Variants in STMP1 observed in about 807,000 individuals in gnomAD.
STMP1 encodes the protein short transmembrane mitochondrial protein 1, also known as mitolamban.
A neutral mutation model predicts 7.0 loss-of-function variants in STMP1; 7 were observed. The observed-to-expected ratio is 1.01, with a 90% confidence interval of 0.57 to 1.89. The LOEUF (loss-of-function observed/expected upper bound fraction) is 1.89. Among genes scored for constraint, STMP1 ranks in the 40% most tolerant of loss-of-function variants. The pLI is 0.00. For missense variants in STMP1, 45 were observed against 53.0 expected, an observed-to-expected ratio of 0.85 and a Z score of 0.47; for synonymous variants, 19 against 18.4, an observed-to-expected ratio of 1.03 and a Z score of -0.08.
At chr7:135,670,627 A>G (rs1014557569) in intron 1 of STMP1, among the ~76,000 whole-genome samples, 3 of 152,182 alleles carry the variant, frequency 2.0e-5, no homozygotes, top group Non-Finnish European at 2.9e-5. Flanking sequence ...CTCCTTTGGT[A>G]GATCCGGTAG....
At chr7:135,672,707 A>C in intron 1 of STMP1, 46 bp from the exon 2 acceptor site, 1 of 1,415,522 alleles carries the variant, frequency 7.1e-7, no homozygotes, top group Non-Finnish European at 9.8e-7. Context: ...TCAGACTGGC[A>C]CAGGACTCGG....
Position 135,662,574 on chromosome 7 carries a change from G to A in STMP1, c.-6G>A. On this transcript the variant is annotated 5_prime_UTR_variant, in exon 1 of 3. Coordinates refer to ENST00000507606, the MANE Select transcript of STMP1 (RefSeq NM_001130929.2). The stretch of plus-strand genomic sequence containing the variant: ...TCGCGCCCTCCTCGCCCTCCCCACC[G>A]ACATCATGCTCCAGTTCCTGGTGAG... The A allele has an allele frequency of 1.3e-6, 2 of 1,547,648 alleles. No homozygotes were observed. The highest frequency in any genetic ancestry group is 1.7e-6 in the Non-Finnish European group (2 of 1,145,426).
chr7:135,674,783 T>C lies in STMP1; in HGVS notation c.*618T>C, dbSNP rs886763616. 6 of 152,250 alleles carry C rather than the reference T, an allele frequency of 3.9e-5. No homozygotes were observed. The highest frequency in any genetic ancestry group is 8.8e-5 in the Non-Finnish European group (6 of 68,076). The allele number at this position is 152,250 out of a possible 1,614,324, so 9.4% of individuals were successfully genotyped here. A position where few individuals can be genotyped will look rare whatever the true frequency, so the allele number is the denominator to read the frequency against. On this transcript the variant is annotated 3_prime_UTR_variant, in exon 3 of 3. Transcript: ENST00000507606. ...GGGAATGAAAAAATACACAAAATAA[T>C]GGTCTTTGTCCCAGTAGAGTTCATA...
chr7:135,672,161 G>T (rs1351308065), intron 1 of STMP1, among the ~76,000 whole-genome samples: 1 of 152,120 alleles, frequency 6.6e-6, no homozygotes, highest in Non-Finnish European at 1.5e-5. Context: ...TGTATTTTTA[G>T]TAGAGACGAG....
chr7:135,666,297 A>C (rs1335132422), intron 1 of STMP1, among the ~76,000 whole-genome samples: 1 of 151,368 alleles, frequency 6.6e-6, no homozygotes, highest in Non-Finnish European at 1.5e-5. Flanking sequence ...ATCTTTTTCC[A>C]TGAGGCCCTC....
At chr7:135,673,545 G>A (rs879652105) in intron 2 of STMP1, among the ~76,000 whole-genome samples, 3 of 152,172 alleles carry the variant, frequency 2.0e-5, no homozygotes, top group Non-Finnish European at 4.4e-5. Context: ...GCACCAGATC[G>A]AGCGGAAGTG....
chr7:135,668,860 A>G (rs1795325669), intron 1 of STMP1, among the ~76,000 whole-genome samples: 1 of 152,110 alleles, frequency 6.6e-6, no homozygotes, highest in Non-Finnish European at 1.5e-5. Context: ...GATTTTCCAC[A>G]TTCAGTTTTC....
At chr7:135,671,282 A>ACT (rs1339775091) in intron 1 of STMP1, among the ~76,000 whole-genome samples, 1 of 152,204 alleles carries the variant, frequency 6.6e-6, no homozygotes, top group Non-Finnish European at 1.5e-5. Flanking sequence ...AAGCTTAGTA[A>ACT]GTTTAAAGTG....
At chr7:135,662,700 C>A in intron 1 of STMP1, 106 bp downstream of exon 1, 2 of 1,335,842 alleles carry the variant, frequency 1.5e-6, no homozygotes, top group South Asian at 1.4e-5. Flanking sequence ...GGGCGTGGGT[C>A]CAGCGGTCCC....
In STMP1 at chr7:135,676,066, A is replaced by C. The variant is rs1795410911; in HGVS notation, c.*1901A>C. ...AGCTTCTCAAGTAGCTGGCATCACC[A>C]CCACACCTGGCTAATTTTTGTATTT... On this transcript the variant is annotated 3_prime_UTR_variant, in exon 3 of 3. Coordinates refer to ENST00000507606, the MANE Select transcript of STMP1 (RefSeq NM_001130929.2). The C allele has an allele frequency of 6.6e-6, 1 of 151,642 alleles. No individual in the cohort carries two copies. The allele number at this position is 151,642 out of a possible 1,614,324, so 9.4% of individuals were successfully genotyped here.
chr7:135,665,030 G>A (rs753864363), intron 1 of STMP1, among the ~76,000 whole-genome samples: 8 of 152,146 alleles, frequency 5.3e-5, no homozygotes, highest in Non-Finnish European at 7.4e-5. Flanking sequence ...CAGTTTTGTT[G>A]TGAGGATTAA....
rs186532296 is a variant in STMP1, at chr7:135,675,341, A to G, written c.*1176A>G. On this transcript the variant is annotated 3_prime_UTR_variant, in exon 3 of 3. Coordinates refer to ENST00000507606, the MANE Select transcript of STMP1 (RefSeq NM_001130929.2). ...CGTGTAACACAAATAGTAACTATAC[A>G]TGGAGGTCTAGCCCTCGCCTTTTTT... 130 of 151,792 alleles carry G rather than the reference A, an allele frequency of 8.6e-4. No individual in the cohort carries two copies. Among genetic ancestry groups the G allele is most frequent in the African/African-American group, 3.0e-3 (125 of 41,452 alleles). 9.4% of individuals were successfully genotyped at this position (151,792 alleles called of 1,614,324 possible).
rs1260695066 is a variant in STMP1, at chr7:135,675,673, A to T, written c.*1508A>T. The T allele has an allele frequency of 6.6e-6, 1 of 152,236 alleles. No homozygotes were observed. Among genetic ancestry groups the T allele is most frequent in the Non-Finnish European group, 1.5e-5 (1 of 68,034 alleles). The allele number at this position is 152,236 out of a possible 1,614,324, so 9.4% of individuals were successfully genotyped here. A position where few individuals can be genotyped will look rare whatever the true frequency, so the allele number is the denominator to read the frequency against. On this transcript the variant is annotated 3_prime_UTR_variant, in exon 3 of 3. Transcript: ENST00000507606. ...AGAGGACTTGTTGAGCAGCTTCACT[A>T]ATAATGCCATTTTTGAAGACATGGC...
At chr7:135,672,876 G>T in intron 2 of STMP1, 70 bp downstream of exon 2, 1 of 1,294,320 alleles carries the variant, frequency 7.7e-7, no homozygotes. Context: ...TTTGTTTGAG[G>T]TAAGGTGTGA....
intron 1 of STMP1, among the ~76,000 whole-genome samples, chr7:135,663,431 G>C (rs982590119): frequency 6.6e-6 from 1 of 151,862 alleles, no homozygotes; most frequent in Non-Finnish European, 1.5e-5. Context: ...TGGAACCTCC[G>C]CCTCCCGGGT....
At chr7:135,670,868 G>T (rs1458556966) in intron 1 of STMP1, among the ~76,000 whole-genome samples, 1 of 152,188 alleles carries the variant, frequency 6.6e-6, no homozygotes, top group African/African-American at 2.4e-5. Flanking sequence ...TTATAAATCA[G>T]GAAGCTCAAA....
intron 1 of STMP1, among the ~76,000 whole-genome samples, chr7:135,666,475 A>G (rs1003528855): frequency 1.3e-5 from 2 of 151,996 alleles, no homozygotes; most frequent in African/African-American, 2.4e-5. Context: ...TACCTTCCCA[A>G]GTAGCTGGGA....
chr7:135,663,342 T>A (rs1242953458), intron 1 of STMP1, among the ~76,000 whole-genome samples: 2 of 152,276 alleles, frequency 1.3e-5, no homozygotes, highest in East Asian at 1.9e-4. Flanking sequence ...ACCTCTATTT[T>A]TTTTTATTTT....
In STMP1 at chr7:135,672,821, C is replaced by G; in HGVS notation, c.69+15C>G. ...AGAACTATGATGTAAGTGGCCATATCCATGACTTCCTTGATTCCATGTAAC... is the reference window on the plus strand; with the variant it reads ...AGAACTATGATGTAAGTGGCCATATGCATGACTTCCTTGATTCCATGTAAC... On this transcript the variant is annotated intron_variant, in intron 2 of 2. Coordinates refer to ENST00000507606, the MANE Select transcript of STMP1 (RefSeq NM_001130929.2). The G allele has an allele frequency of 6.5e-7, 1 of 1,546,536 alleles. No individual in the cohort carries two copies. Among genetic ancestry groups the G allele is most frequent in the Non-Finnish European group, 8.8e-7 (1 of 1,142,354 alleles).
Sources: allele counts gnomAD v4.1 joint callset (sites outside exome capture counted in the v4.1 genomes callset), GRCh38; gene constraint gnomAD v4.1.1; transcripts MANE v1.5; gene names NCBI Gene and HGNC (gene_info 2026-07-23, HGNC 2026-07-21).